SORCS2: variants seen among roughly 807,000 people sequenced by gnomAD.
The protein encoded by SORCS2 is sortilin related VPS10 domain containing receptor 2, also known as VPS10 domain-containing receptor SorCS2.
SORCS2 carries 100 observed loss-of-function variants against 141.6 expected under a neutral mutation model. The ratio of observed to expected loss-of-function variants is 0.71; its 90% CI spans 0.60 to 0.83. The LOEUF (loss-of-function observed/expected upper bound fraction) is 0.83, where lower values mean the gene tolerates loss of function less well. Ranked by LOEUF, SORCS2 falls within the 40% of genes least tolerant of loss-of-function variation. The pLI is 0.00. For missense variants in SORCS2, 1,646 were observed against 1,560.2 expected, an observed-to-expected ratio of 1.05 and a Z score of -0.93; for synonymous variants, 789 against 676.9, an observed-to-expected ratio of 1.17 and a Z score of -2.57.
intron 1 of SORCS2, among the ~76,000 whole-genome samples, chr4:7,373,468 ATATATATATATTTTT>A (rs1297801321): frequency 1.7e-5 from 1 of 58,620 alleles, no homozygotes; most frequent in African/African-American, 1.2e-4. Flanking sequence ...TTATATATAT[ATATATATATATTTTT>A]TTTTTTTTTT....
intron 1 of SORCS2, among the ~76,000 whole-genome samples, chr4:7,340,770 G>T (rs1720323647): frequency 6.7e-6 from 1 of 149,784 alleles, no homozygotes; most frequent in South Asian, 2.1e-4. Context: ...GGCCCCAGGG[G>T]GCATTTAGTG....
intron 1 of SORCS2, among the ~76,000 whole-genome samples, chr4:7,245,711 G>A (rs960310158): frequency 6.6e-6 from 1 of 152,190 alleles, no homozygotes; most frequent in Non-Finnish European, 1.5e-5. Context: ...AGCCTGATGT[G>A]GGGCAAGCGC....
intron 1 of SORCS2, among the ~76,000 whole-genome samples, chr4:7,301,586 C>A (rs779525087): frequency 1.3e-5 from 2 of 152,250 alleles, no homozygotes; most frequent in African/African-American, 2.4e-5. Flanking sequence ...CTTCTCCCCA[C>A]GGGGCAGAGG....
Position 7,667,115 on chromosome 4 carries a change from C to A in SORCS2, c.1072-9C>A. The A allele has an allele frequency of 6.2e-7, 1 of 1,609,488 alleles. No homozygotes were observed. The highest frequency in any genetic ancestry group is 8.5e-7 in the Non-Finnish European group (1 of 1,176,134). ...AGCCTCTCAAAAATGTGTTTCTTCC[C>A]CCGGTTAGGCAACATCAGCAAACCA... On this transcript the variant is annotated splice_polypyrimidine_tract_variant and intron_variant, in intron 7 of 26. Transcript: ENST00000507866.
intron 1 of SORCS2, among the ~76,000 whole-genome samples, chr4:7,333,533 G>C (rs1260639412): frequency 6.6e-6 from 1 of 152,134 alleles, no homozygotes; most frequent in African/African-American, 2.4e-5. Flanking sequence ...CCCAGCCTCT[G>C]AGTTTCAAGA....
At chr4:7,216,081 A>G (rs988088223) in intron 1 of SORCS2, among the ~76,000 whole-genome samples, 2 of 152,166 alleles carry the variant, frequency 1.3e-5, no homozygotes, top group East Asian at 1.9e-4. Flanking sequence ...AACACTCACC[A>G]CGAAGGTCTG....
At chr4:7,372,360 G>A (rs1007180003) in intron 1 of SORCS2, among the ~76,000 whole-genome samples, 3 of 152,202 alleles carry the variant, frequency 2.0e-5, no homozygotes, top group Non-Finnish European at 4.4e-5. Flanking sequence ...AGGCTGGAGG[G>A]CAGTGGCGGG....
rs1727485070 is a variant in SORCS2, at chr4:7,201,580, A to T, written c.480+8454A>T. 6.6e-6 allele frequency among the ~76,000 whole-genome samples: 1 copy of T among 152,166 alleles called. No homozygotes were observed. On this transcript the variant is annotated intron_variant, in intron 1 of 26. Transcript: ENST00000507866. This position sits in a 1 kb window ranked among gnomAD's most constrained non-coding sequence, Gnocchi z 4.4. ...ATTCGATGGAGAGCAGACTGGAGTGACGGGCGAATCAGCTGGGACGCTGCC... is the reference window on the plus strand; with the variant it reads ...ATTCGATGGAGAGCAGACTGGAGTGTCGGGCGAATCAGCTGGGACGCTGCC...
At chr4:7,571,193 C>T (rs182764857) in intron 3 of SORCS2, among the ~76,000 whole-genome samples, 11 of 152,302 alleles carry the variant, frequency 7.2e-5, no homozygotes, top group Admixed American at 2.0e-4. Context: ...TAGGTTTTTC[C>T]GCAGATGCTC....
At chr4:7,592,459 G>A (rs912759557) in intron 3 of SORCS2, among the ~76,000 whole-genome samples, 1 of 152,162 alleles carries the variant, frequency 6.6e-6, no homozygotes, top group Non-Finnish European at 1.5e-5. Context: ...CCTTCTTTCT[G>A]GCTATCTGAA....
rs767277809 is a variant in SORCS2, at chr4:7,471,568, G to A, written c.549-59962G>A. On this transcript the variant is annotated intron_variant, in intron 2 of 26. Transcript: ENST00000507866. ...CAGCAGTGGCCCTCCAGCGGGGCTC[G>A]CCGCCCCTACCCCGTTCTCGGTTCC... is the stretch of plus-strand genomic sequence containing the variant. Among the ~76,000 whole-genome samples, 100 of 152,198 alleles carry A rather than the reference G, an allele frequency of 6.6e-4. 1 individual carries two copies. The highest frequency in any genetic ancestry group is 1.3e-3 in the Non-Finnish European group (86 of 68,032).
At chr4:7,513,032 A>G (rs1732758924) in intron 2 of SORCS2, among the ~76,000 whole-genome samples, 1 of 152,328 alleles carries the variant, frequency 6.6e-6, no homozygotes, top group South Asian at 2.1e-4. Context: ...TCAAAGGACC[A>G]TAACCACTGC....
chr4:7,448,394 C>T (rs1728143172), intron 2 of SORCS2, among the ~76,000 whole-genome samples: 1 of 151,546 alleles, frequency 6.6e-6, no homozygotes, highest in Non-Finnish European at 1.5e-5. Flanking sequence ...TGTCTTCCTC[C>T]CTTCCTTCCT....
At chr4:7,734,414 A>G (rs1711987508) in intron 25 of SORCS2, 40 bp downstream of exon 25, 2 of 1,391,164 alleles carry the variant, frequency 1.4e-6, no homozygotes, top group Non-Finnish European at 1.9e-6. Context: ...GGCTCTGACC[A>G]TGGGGCCGTA....
At chr4:7,391,434 C>T (rs562466297) in intron 1 of SORCS2, among the ~76,000 whole-genome samples, 1 of 152,212 alleles carries the variant, frequency 6.6e-6, no homozygotes, top group Non-Finnish European at 1.5e-5. Flanking sequence ...CGGCTCAGCA[C>T]AGAGCAGAGG....
chr4:7,375,774 G>A (rs1253764469), intron 1 of SORCS2, among the ~76,000 whole-genome samples: 1 of 152,192 alleles, frequency 6.6e-6, no homozygotes, highest in Non-Finnish European at 1.5e-5. Flanking sequence ...ATTGGCTGCC[G>A]GCACTGTGTG....
intron 1 of SORCS2, among the ~76,000 whole-genome samples, chr4:7,363,068 G>A (rs534267398): frequency 9.2e-5 from 13 of 141,010 alleles, no homozygotes; most frequent in South Asian, 6.9e-4. Context: ...CATCACTACC[G>A]TCATACATCA....
intron 3 of SORCS2, among the ~76,000 whole-genome samples, chr4:7,559,924 T>A (rs1473682794): frequency 1.3e-5 from 2 of 152,094 alleles, no homozygotes; most frequent in East Asian, 1.9e-4. Flanking sequence ...CGCTATGGAG[T>A]TGAGACTTTA....
chr4:7,710,338 G>A (rs968815327), intron 14 of SORCS2, among the ~76,000 whole-genome samples: 3 of 150,468 alleles, frequency 2.0e-5, no homozygotes, highest in African/African-American at 7.5e-5. Context: ...TCTGTAAAAG[G>A]GGGCTTGGCA....
Sources: allele counts gnomAD v4.1 joint callset (sites outside exome capture counted in the v4.1 genomes callset), GRCh38; gene constraint gnomAD v4.1.1; non-coding constraint Gnocchi (gnomAD v3.1); transcripts MANE v1.5; gene names NCBI Gene and HGNC (gene_info 2026-07-23, HGNC 2026-07-21).